Variants in KLK2 observed in about 807,000 individuals in gnomAD.
The protein encoded by KLK2 is kallikrein-2.
KLK2 carries 17 observed loss-of-function variants against 23.0 expected under a neutral mutation model. That is an observed-to-expected ratio of 0.74 (90% confidence interval 0.51 to 1.11). The LOEUF is 1.11. Among genes scored for constraint, KLK2 ranks in the 50% least tolerant of loss-of-function variants. The pLI is 0.00. For synonymous variants in KLK2, 140 were observed against 124.7 expected (o/e 1.12, Z -0.82); for missense variants, 330 against 325.9 (o/e 1.01, Z -0.10).
chr19:50,876,009 C>T (rs1310505028), intron 2 of KLK2: 1 of 183,858 alleles, frequency 5.4e-6, no homozygotes, highest in East Asian at 1.5e-4. Context: ...CGTGGCCTCC[C>T]TCCTTTTTCT....
In KLK2 at chr19:50,880,245, G is replaced by A. The variant is rs1475757297; in HGVS notation, c.*1686G>A. ...CAGGAGGACGCTGCACACCATGCAG[G>A]ATGACATGGGGGATGCGCTCGGGAT... On this transcript the variant is annotated 3_prime_UTR_variant, in exon 5 of 5. Coordinates refer to ENST00000325321, the MANE Select transcript of KLK2 (RefSeq NM_005551.5). The A allele has an allele frequency of 4.3e-6, 1 of 230,654 alleles. No individual in the cohort carries two copies. The highest frequency in any genetic ancestry group is 2.2e-5 in the African/African-American group (1 of 45,160). 14.3% of individuals were successfully genotyped at this position (230,654 alleles called of 1,614,324 possible).
chr19:50,879,623 G>A lies in KLK2; in HGVS notation c.*1064G>A, dbSNP rs2090322658. On this transcript the variant is annotated 3_prime_UTR_variant, in exon 5 of 5. Transcript: ENST00000325321. ...CCAGGGTTTTTACTGGGGGTCTGTAGGACGAGTATGGAGTACTTGAATAAT... is the reference window on the plus strand; with the variant it reads ...CCAGGGTTTTTACTGGGGGTCTGTAAGACGAGTATGGAGTACTTGAATAAT... 4 of 230,532 alleles carry A rather than the reference G, an allele frequency of 1.7e-5. No individual in the cohort carries two copies. Among genetic ancestry groups the A allele is most frequent in the Non-Finnish European group, 3.4e-5 (4 of 116,438 alleles). The allele number at this position is 230,532 out of a possible 1,614,324, so 14.3% of individuals were successfully genotyped here.
rs1411986736 is a variant in KLK2, at chr19:50,879,555, A to G, written c.*996A>G. On this transcript the variant is annotated 3_prime_UTR_variant, in exon 5 of 5. Transcript: ENST00000325321. ...CCTGCAAGGATGTATGATAATATGT[A>G]CAAAGTAATTCCAACTGAGGAAGCT... is the stretch of plus-strand genomic sequence containing the variant. 4.3e-6 allele frequency: 1 copy of G among 230,396 alleles called. No individual in the cohort carries two copies. 14.3% of individuals were successfully genotyped at this position (230,396 alleles called of 1,614,324 possible). A position where few individuals can be genotyped will look rare whatever the true frequency, so the allele number is the denominator to read the frequency against.
In KLK2 at chr19:50,878,526, G is replaced by A; in HGVS notation, c.753G>A (p.Lys251=). The change falls in exon 5 of 5, where the codon AAG becomes AAA. Residue 251 remains lysine (K), a synonymous_variant. Transcript: ENST00000325321. ...ACACCAAGGTGGTGCATTACCGGAA[G>A]TGGATCAAGGACACCATCGCAGCCA... is the stretch of plus-strand genomic sequence containing the variant. ...AVYTKVVHYR[K]WIKDTIAANP is the part of the protein sequence containing the mutation. 2 of 1,614,040 alleles carry A rather than the reference G, an allele frequency of 1.2e-6. No individual in the cohort carries two copies. The highest frequency in any genetic ancestry group is 1.7e-6 in the Non-Finnish European group (2 of 1,179,928).
Position 50,873,557 on chromosome 19 carries a change from G to A in KLK2, c.46+38G>A, listed in dbSNP as rs755348099. On this transcript the variant is annotated intron_variant, in intron 1 of 4. Transcript: ENST00000325321. The stretch of plus-strand genomic sequence containing the variant: ...GGATAAAGGAAGGGGGGCGGGTTCT[G>A]ACTCTTATGCTGAAGCCCTTTTCCT... 2.7e-6 allele frequency: 4 copies of A among 1,454,950 alleles called. No homozygotes were observed. In the Admixed American group the frequency reaches 7.3e-5, roughly 26 times the overall value. The allele number at this position is 1,454,950 out of a possible 1,614,324, so 90.1% of individuals were successfully genotyped here. A position where few individuals can be genotyped will look rare whatever the true frequency, so the allele number is the denominator to read the frequency against.
chr19:50,874,748 T>C lies in KLK2; in HGVS notation c.74T>C (p.Ile25Thr), dbSNP rs761448898. 21 of 1,612,392 alleles carry C rather than the reference T, an allele frequency of 1.3e-5. No individual in the cohort carries two copies. Among genetic ancestry groups the C allele is most frequent in the Admixed American group, 1.7e-5 (1 of 59,938 alleles). ...GCCGTGCCCCTCATCCAGTCTCGGATTGTGGGAGGCTGGGAGTGTGAGAAG... is the reference window on the plus strand; with the variant it reads ...GCCGTGCCCCTCATCCAGTCTCGGACTGTGGGAGGCTGGGAGTGTGAGAAG... Reference protein sequence around the residue: ...TGAVPLIQSRIVGGWECEKHS... With the variant: ...TGAVPLIQSRTVGGWECEKHS... Residue 25 changes from isoleucine (I) to threonine (T), a missense_variant, in exon 2 of 5, where the codon ATT becomes ACT. Physicochemically the swap from Ile to Thr is moderately conservative, Grantham distance 89 (BLOSUM62 -1). Coordinates refer to ENST00000325321, the MANE Select transcript of KLK2 (RefSeq NM_005551.5).
intron 4 of KLK2, chr19:50,877,389 A>G: frequency 3.7e-6 from 1 of 271,362 alleles, no homozygotes. Context: ...GGAGGGTGTC[A>G]GGAAGTGATC....
chr19:50,876,850 CCAGTTTTT>C lies in KLK2; in HGVS notation c.494-20_494-13del. 1.2e-6 allele frequency: 2 copies of C among 1,612,590 alleles called. No homozygotes were observed. The highest frequency in any genetic ancestry group is 1.7e-6 in the Non-Finnish European group (2 of 1,178,962). ...GAACCAGGTGGGGTCCGGCCACAGCCCAGTTTTTCTCTGACCCATAGTCTTGCGCCCCA... is the reference window on the plus strand; with the variant it reads ...GAACCAGGTGGGGTCCGGCCACAGCCCTCTGACCCATAGTCTTGCGCCCCA... On this transcript the variant is annotated splice_polypyrimidine_tract_variant and intron_variant, in intron 3 of 4. Coordinates refer to ENST00000325321, the MANE Select transcript of KLK2 (RefSeq NM_005551.5).
At position 50,880,442 on chromosome 19, in the gene KLK2, A is replaced by G. The variant is rs1455979671; in HGVS notation, c.*1883A>G. ...TTGTGGAATGCAGCTGACCCAGCTG[A>G]TAGAGGAAGTAGCCAGGTGGGAGCC... is the stretch of plus-strand genomic sequence containing the variant. On this transcript the variant is annotated 3_prime_UTR_variant, in exon 5 of 5. Transcript: ENST00000325321. 9.0e-6 allele frequency: 2 copies of G among 221,020 alleles called. No homozygotes were observed. The highest frequency in any genetic ancestry group is 5.8e-5 in the Admixed American group (1 of 17,314). 13.7% of individuals were successfully genotyped at this position (221,020 alleles called of 1,614,324 possible). A position where few individuals can be genotyped will look rare whatever the true frequency, so the allele number is the denominator to read the frequency against.
In KLK2 at chr19:50,876,950, A is replaced by G. The variant is rs1397503456; in HGVS notation, c.572A>G (p.Lys191Arg). The G allele has an allele frequency of 6.2e-7, 1 of 1,614,050 alleles. No homozygotes were observed. The highest frequency in any genetic ancestry group is 1.7e-5 in the Admixed American group (1 of 60,028). The change falls in exon 4 of 5, where the codon AAG (lysine) becomes AGG (arginine). Residue 191 changes from lysine to arginine, a missense_variant. Transcript: ENST00000325321. Reference sequence around the variant, plus strand: ...ATGTGTGCTAGAGCTTACTCTGAGAAGGTGACAGAGTTCATGTTGTGTGCT... The same window carrying G: ...ATGTGTGCTAGAGCTTACTCTGAGAGGGTGACAGAGTTCATGTTGTGTGCT... ...NDMCARAYSE[K>R]VTEFMLCAGL... is the part of the protein sequence containing the mutation.
Position 50,874,852 on chromosome 19 carries a change from G to C in KLK2, c.178G>C (p.Val60Leu), listed in dbSNP as rs558793982. 2 of 1,613,144 alleles carry C rather than the reference G, an allele frequency of 1.2e-6. No homozygotes were observed. The highest frequency in any genetic ancestry group is 2.2e-5 in the East Asian group (1 of 44,832). Reference protein sequence around the residue: ...CGGVLVHPQWVLTAAHCLKKN... With the variant: ...CGGVLVHPQWLLTAAHCLKKN... ...GGGTGTCCTGGTGCACCCCCAGTGG[G>C]TGCTCACAGCTGCCCATTGCCTAAA... Residue 60 changes from valine to leucine, a missense_variant, in exon 2 of 5, where the codon GTG (valine) becomes CTG (leucine). Transcript: ENST00000325321.
In KLK2 at chr19:50,877,251, T is replaced by C. The variant is rs931941200; in HGVS notation, c.630+243T>C. ...GAGCACATGCTTACTGGGCACCTGC[T>C]ACGTGACCAGCATTGCCGTAGACCC... On this transcript the variant is annotated intron_variant, in intron 4 of 4. Coordinates refer to ENST00000325321, the MANE Select transcript of KLK2 (RefSeq NM_005551.5). The C allele has an allele frequency of 9.9e-5, 57 of 578,444 alleles. No individual in the cohort carries two copies. In the African/African-American group the frequency reaches 1.0e-3, roughly 10 times the overall value. The allele number at this position is 578,444 out of a possible 1,614,324, so 35.8% of individuals were successfully genotyped here.
At chr19:50,876,195 T>G in intron 2 of KLK2, 1 of 500,854 alleles carries the variant, frequency 2.0e-6, no homozygotes, top group Non-Finnish European at 3.6e-6. Context: ...CTCATCCTAA[T>G]TCTCACTGTT....
chr19:50,873,897 T>C (rs952521623), intron 1 of KLK2: 14 of 236,738 alleles, frequency 5.9e-5, no homozygotes, highest in Non-Finnish European at 1.1e-4. Context: ...CACAGTCTAC[T>C]GACTTTTCCT....
At position 50,874,839 on chromosome 19, in the gene KLK2, G is replaced by A. The variant is rs781346059; in HGVS notation, c.165G>A (p.Val55=). 5.6e-6 allele frequency: 9 copies of A among 1,613,250 alleles called. No individual in the cohort carries two copies. In the East Asian group the frequency reaches 2.0e-4, roughly 36 times the overall value. The change falls in exon 2 of 5, where the codon GTG becomes GTA. Residue 55 remains valine (V), a synonymous_variant. Coordinates refer to ENST00000325321, the MANE Select transcript of KLK2 (RefSeq NM_005551.5). ...HGWAHCGGVL[V]HPQWVLTAAH... is the part of the protein sequence containing the mutation. ...GGGCACACTGTGGGGGTGTCCTGGT[G>A]CACCCCCAGTGGGTGCTCACAGCTG...
chr19:50,878,787 C>T lies in KLK2; in HGVS notation c.*228C>T, dbSNP rs183710386. On this transcript the variant is annotated 3_prime_UTR_variant, in exon 5 of 5. Coordinates refer to ENST00000325321, the MANE Select transcript of KLK2 (RefSeq NM_005551.5). ...AATGTTTCTGAAATGGGTATAATTTCGTCCTCTCCTTCGGAACACTGGCTG... is the reference window on the plus strand; with the variant it reads ...AATGTTTCTGAAATGGGTATAATTTTGTCCTCTCCTTCGGAACACTGGCTG... The T allele has an allele frequency of 8.8e-4, 385 of 437,780 alleles. 2 individuals carry two copies. Among genetic ancestry groups the T allele is most frequent in the Admixed American group, 2.6e-3 (72 of 27,458 alleles). 27.1% of individuals were successfully genotyped at this position (437,780 alleles called of 1,614,324 possible).
At chr19:50,874,053 T>C (rs12973367) in intron 1 of KLK2, 30,659 of 153,504 alleles carry the variant, frequency 0.2, 3,826 homozygotes, top group African/African-American at 0.36. Context: ...CCTCCCACCC[T>C]GAGTCTGGCA....
chr19:50,876,996 A>G lies in KLK2; in HGVS notation c.618A>G (p.Lys206=). ...MLCAGLWTGG[K]DTCGGDSGGP... ...GTGCTGGGCTCTGGACAGGTGGTAA[A>G]GACACTTGTGGGGTGAGTCATCCCT... The change falls in exon 4 of 5, where the codon AAA becomes AAG. Residue 206 remains lysine (K), a synonymous_variant. Coordinates refer to ENST00000325321, the MANE Select transcript of KLK2 (RefSeq NM_005551.5). 6.2e-7 allele frequency: 1 copy of G among 1,614,104 alleles called. No individual in the cohort carries two copies. The highest frequency in any genetic ancestry group is 1.3e-5 in the African/African-American group (1 of 75,022).
intron 1 of KLK2, chr19:50,874,504 T>A (rs1406382446): frequency 4.1e-6 from 2 of 486,790 alleles, no homozygotes; most frequent in Non-Finnish European, 7.3e-6. Flanking sequence ...GTCAGCTCCG[T>A]TCTCAGAGCA....
Sources: allele counts gnomAD v4.1 joint callset, GRCh38; gene constraint gnomAD v4.1.1; transcripts MANE v1.5; gene names NCBI Gene and HGNC (gene_info 2026-07-23, HGNC 2026-07-21).